Variants in RPS6KA1 observed in about 807,000 individuals in gnomAD.
The protein encoded by RPS6KA1 is ribosomal protein S6 kinase alpha-1.
RPS6KA1 carries 48 observed loss-of-function variants against 91.3 expected under a neutral mutation model. That is an observed-to-expected ratio of 0.53 (90% CI 0.42 to 0.67). The LOEUF is 0.67. RPS6KA1 is among the 30% of genes least tolerant of loss of function. The pLI, the probability that RPS6KA1 is intolerant of heterozygous loss-of-function variation, is 0.00. For synonymous variants in RPS6KA1, 359 were observed against 384.7 expected (o/e 0.93, Z 0.78); for missense variants, 719 against 960.5 (o/e 0.75, Z 3.32).
Position 26,571,877 on chromosome 1 carries a change from G to T in RPS6KA1, c.1781G>T (p.Gly594Val). ...EVLKRQGYDEGCDIWSLGILL... is the reference protein window; with the variant it reads ...EVLKRQGYDEVCDIWSLGILL... ...CTGAAGCGCCAGGGCTACGATGAAG[G>T]CTGCGACATCTGGAGCCTGGGCATT... The change falls in exon 19 of 22, where the codon GGC becomes GTC. Residue 594 changes from glycine (G) to valine (V), a missense_variant. Gly to Val is a moderately radical substitution (Grantham distance 109). Around this residue, in one of 5 missense-constraint regions of RPS6KA1, gnomAD observed 249 missense variants for 323.1 expected, o/e 0.77. Transcript: ENST00000374168. The surrounding 1 kb of genome is among the most constrained non-coding windows in gnomAD (Gnocchi z 5.1). 11 of 1,611,198 alleles carry T rather than the reference G, an allele frequency of 6.8e-6. No individual in the cohort carries two copies. The highest frequency in any genetic ancestry group is 9.3e-6 in the Non-Finnish European group (11 of 1,179,982).
chr1:26,562,687 G>T (rs1377630255), intron 17 of RPS6KA1, among the ~76,000 whole-genome samples: 1 of 152,080 alleles, frequency 6.6e-6, no homozygotes, highest in African/African-American at 2.4e-5. Context: ...ATGTTTTAGG[G>T]TGCATCTGAT....
At chr1:26,532,151 G>C (rs1419686605) in intron 1 of RPS6KA1, among the ~76,000 whole-genome samples, 1 of 152,116 alleles carries the variant, frequency 6.6e-6, no homozygotes, top group African/African-American at 2.4e-5. Context: ...CCTGGCCCAG[G>C]GTGCAGCCCA....
At position 26,555,505 on chromosome 1, in the gene RPS6KA1, T is replaced by A. The variant is rs1449721754; in HGVS notation, c.828-32T>A. ...GGAGATGGGGCCTCTGGGGCAGGGC[T>A]CAGCCTTGATGAGTCCCGGGGGCTG... On this transcript the variant is annotated intron_variant, in intron 10 of 21. Transcript: ENST00000374168. The surrounding 1 kb of genome is among the most constrained non-coding windows in gnomAD (Gnocchi z 4.3). The A allele has an allele frequency of 3.9e-6, 6 of 1,556,736 alleles. No individual in the cohort carries two copies.
At chr1:26,537,577 T>C (rs2075916238) in intron 2 of RPS6KA1, among the ~76,000 whole-genome samples, 1 of 152,148 alleles carries the variant, frequency 6.6e-6, no homozygotes, top group African/African-American at 2.4e-5. Flanking sequence ...CAGGACTAGG[T>C]GACAGTGGTG....
intron 2 of RPS6KA1, among the ~76,000 whole-genome samples, chr1:26,544,979 C>G (rs1165488912): frequency 3.3e-5 from 5 of 152,140 alleles, no homozygotes; most frequent in Non-Finnish European, 4.4e-5. Context: ...GGATGAGTCT[C>G]TGTCCACCTC....
chr1:26,555,679 C>T lies in RPS6KA1; in HGVS notation c.916+54C>T. Reference sequence around the variant, plus strand: ...TGTGGCGATGGGGAGCCGGGTACAGCTGCAGCCTAGGCCACAGGGCCACAT... The same window carrying T: ...TGTGGCGATGGGGAGCCGGGTACAGTTGCAGCCTAGGCCACAGGGCCACAT... On this transcript the variant is annotated intron_variant, in intron 11 of 21. Coordinates refer to ENST00000374168, the MANE Select transcript of RPS6KA1 (RefSeq NM_002953.4). This position sits in a 1 kb window ranked among gnomAD's most constrained non-coding sequence, Gnocchi z 4.3. 1 of 1,515,720 alleles carries T rather than the reference C, an allele frequency of 6.6e-7. No individual in the cohort carries two copies. The highest frequency in any genetic ancestry group is 9.0e-7 in the Non-Finnish European group (1 of 1,113,102). 93.9% of individuals were successfully genotyped at this position (1,515,720 alleles called of 1,614,324 possible). A position where few individuals can be genotyped will look rare whatever the true frequency, so the allele number is the denominator to read the frequency against.
At chr1:26,570,492 A>G (rs955045679) in intron 17 of RPS6KA1, among the ~76,000 whole-genome samples, 5 of 152,098 alleles carry the variant, frequency 3.3e-5, no homozygotes, top group African/African-American at 1.2e-4. Context: ...TCAAAACAAA[A>G]CAAAACAAAA....
chr1:26,555,227 C>T lies in RPS6KA1; in HGVS notation c.827+6C>T, dbSNP rs2124642460. On this transcript the variant is annotated splice_donor_region_variant and intron_variant, in intron 10 of 21. Coordinates refer to ENST00000374168, the MANE Select transcript of RPS6KA1 (RefSeq NM_002953.4). This position sits in a 1 kb window ranked among gnomAD's most constrained non-coding sequence, Gnocchi z 4.3. ...ACCATGACACTGATTCTGAAGTAAG[C>T]CCCAGCCCTGCCCTGATAACAATGG... is the stretch of plus-strand genomic sequence containing the variant. The T allele has an allele frequency of 2.5e-6, 4 of 1,613,842 alleles. No individual in the cohort carries two copies. The highest frequency in any genetic ancestry group is 3.4e-6 in the Non-Finnish European group (4 of 1,179,756).
rs538814546 is a variant in RPS6KA1 at position 26,536,022 on chromosome 1, C to T, written c.64-903C>T. On this transcript the variant is annotated intron_variant, in intron 1 of 21. Transcript: ENST00000374168. ...TACAAAAATTAGCCGGGCATGGTGG[C>T]GTACGCCTGTAATCCCAGCTACTTG... Among the ~76,000 whole-genome samples, 238 of 152,158 alleles carry T rather than the reference C, an allele frequency of 1.6e-3. 1 individual carries two copies. The highest frequency in any genetic ancestry group is 2.8e-3 in the Non-Finnish European group (192 of 67,996).
chr1:26,530,846 C>A (rs758533743), intron 1 of RPS6KA1: 2 of 1,287,082 alleles, frequency 1.6e-6, no homozygotes, highest in Middle Eastern at 2.1e-4. Flanking sequence ...CAAGGTCAAG[C>A]CCCTGAATGA....
At chr1:26,535,877 G>A (rs970309145) in intron 1 of RPS6KA1, among the ~76,000 whole-genome samples, 1 of 151,908 alleles carries the variant, frequency 6.6e-6, no homozygotes, top group Non-Finnish European at 1.5e-5. Flanking sequence ...GGGGCCAGGC[G>A]CAGTGGCTCA....
At chr1:26,553,990 G>A (rs1443006277) in intron 7 of RPS6KA1, 8 of 497,078 alleles carry the variant, frequency 1.6e-5, no homozygotes, top group Non-Finnish European at 2.9e-5. Context: ...GCAAAACGGG[G>A]CCCTAATAGT....
At chr1:26,533,923 C>T (rs907931228) in intron 1 of RPS6KA1, among the ~76,000 whole-genome samples, 1 of 152,100 alleles carries the variant, frequency 6.6e-6, no homozygotes, top group Admixed American at 6.6e-5. Flanking sequence ...CCTGACCCCC[C>T]TACCAGTCTG....
At chr1:26,573,504 G>T in intron 21 of RPS6KA1, 143 bp downstream of exon 21, 1 of 968,452 alleles carries the variant, frequency 1.0e-6, no homozygotes, top group South Asian at 1.5e-5. Context: ...CAGCCCTGCC[G>T]TCAGGGAGCC....
At chr1:26,530,840 G>T in intron 1 of RPS6KA1, 1 of 1,287,920 alleles carries the variant, frequency 7.8e-7, no homozygotes, top group Non-Finnish European at 1.0e-6. Context: ...CAGGGTCAAG[G>T]TCAAGCCCCT....
intron 2 of RPS6KA1, among the ~76,000 whole-genome samples, chr1:26,541,868 C>T (rs557227458): frequency 2.4e-4 from 37 of 152,276 alleles, no homozygotes; most frequent in Admixed American, 9.8e-4. Context: ...GGTGGGAACC[C>T]TAGAGACCAC....
rs199670474 is a variant in RPS6KA1, at chr1:26,551,359, G to A, written c.308-38G>A. On this transcript the variant is annotated intron_variant, in intron 4 of 21. Transcript: ENST00000374168. This position sits in a 1 kb window ranked among gnomAD's most constrained non-coding sequence, Gnocchi z 4.5. Reference sequence around the variant, plus strand: ...GGGCTTGGGAGTGGCTGTGTTGAGTGTCTAGGCTACTGGTGACTTCCTTTC... The same window carrying A: ...GGGCTTGGGAGTGGCTGTGTTGAGTATCTAGGCTACTGGTGACTTCCTTTC... The A allele has an allele frequency of 5.6e-5, 89 of 1,591,394 alleles. No homozygotes were observed. The highest frequency in any genetic ancestry group is 5.0e-4 in the Middle Eastern group (3 of 6,026).
At chr1:26,539,167 T>C (rs1047410544) in intron 2 of RPS6KA1, among the ~76,000 whole-genome samples, 3 of 152,174 alleles carry the variant, frequency 2.0e-5, no homozygotes, top group Admixed American at 2.0e-4. Flanking sequence ...ACCACCACCT[T>C]CCAGGTGCCC....
Position 26,553,377 on chromosome 1 carries a change from C to T in RPS6KA1, c.469-14C>T. 6.3e-7 allele frequency: 1 copy of T among 1,585,926 alleles called. No homozygotes were observed. The highest frequency in any genetic ancestry group is 8.7e-7 in the Non-Finnish European group (1 of 1,154,960). ...GAGGAGGTCCCTGCTGAAGGCCCCTCCTGTCTTTTGCAGGTGATGTTCACG... is the reference window on the plus strand; with the variant it reads ...GAGGAGGTCCCTGCTGAAGGCCCCTTCTGTCTTTTGCAGGTGATGTTCACG... On this transcript the variant is annotated splice_polypyrimidine_tract_variant and intron_variant, in intron 6 of 21. Transcript: ENST00000374168.
Sources: gnomAD v4.1 joint callset for allele counts (sites outside exome capture counted in the v4.1 genomes callset) on GRCh38, gnomAD v4.1.1 for gene constraint, gnomAD v4.1.1 regional missense constraint, Gnocchi (gnomAD v3.1) non-coding constraint, MANE v1.5 for transcripts, NCBI Gene and HGNC (gene_info 2026-07-23, HGNC 2026-07-21) for gene names.